The following KCNIP3 variants were observed in gnomAD, a reference collection of about 807,000 sequenced individuals.
KCNIP3 encodes the protein calsenilin.
Under a neutral mutation model 35.0 loss-of-function variants are expected in KCNIP3, and 28 were observed. That is an observed-to-expected ratio of 0.80 (90% CI 0.59 to 1.10). The LOEUF is 1.10. Ranked by LOEUF, KCNIP3 falls within the 50% of genes least tolerant of loss-of-function variation. KCNIP3 has a pLI of 0.00. For missense variants in KCNIP3, 295 were observed against 338.4 expected (o/e 0.87, Z 1.01); for synonymous variants, 134 against 133.8 (o/e 1.00, Z -0.01).
At chr2:95,345,150 G>A (rs557482885) in intron 2 of KCNIP3, among the ~76,000 whole-genome samples, 33 of 152,346 alleles carry the variant, frequency 2.2e-4, no homozygotes, top group Non-Finnish European at 3.5e-4. Flanking sequence ...ATTTAACTAG[G>A]CATGTGATAC....
intron 2 of KCNIP3, among the ~76,000 whole-genome samples, chr2:95,336,735 T>C (rs915049115): frequency 9.2e-5 from 14 of 152,246 alleles, no homozygotes; most frequent in African/African-American, 3.1e-4. Flanking sequence ...AGTTTGCTTT[T>C]AGCCTTTGTT....
rs1678269142 is a variant in KCNIP3 at position 95,309,968 on chromosome 2, C to G, written c.16-387C>G. Among the ~76,000 whole-genome samples, 4 of 152,204 alleles carry G rather than the reference C, an allele frequency of 2.6e-5. 1 individual carries two copies. In the South Asian group the frequency reaches 8.3e-4, roughly 32 times the overall value. ...CGTGGCTGTGTGACCCTGTACAGAT[C>G]CACTTGCCTCTCTGGTTTTCAGGCA... On this transcript the variant is annotated intron_variant, in intron 1 of 8. Transcript: ENST00000295225.
intron 2 of KCNIP3, among the ~76,000 whole-genome samples, chr2:95,326,840 G>A (rs1353740643): frequency 6.6e-6 from 1 of 152,198 alleles, no homozygotes. Context: ...CTTGGCCCCA[G>A]TAGGCCTCCG....
intron 1 of KCNIP3, among the ~76,000 whole-genome samples, chr2:95,298,195 G>T (rs569697527): frequency 6.0e-5 from 9 of 149,986 alleles, no homozygotes; most frequent in Non-Finnish European, 1.3e-4. Flanking sequence ...CTGGCCTGAT[G>T]CCCTGTGAGC....
chr2:95,331,794 C>T (rs1203767346), intron 2 of KCNIP3, among the ~76,000 whole-genome samples: 2 of 152,300 alleles, frequency 1.3e-5, no homozygotes, highest in Non-Finnish European at 1.5e-5. Context: ...GGGCAGGTGC[C>T]CGACCCAGGC....
chr2:95,330,959 G>A (rs1235699346), intron 2 of KCNIP3, among the ~76,000 whole-genome samples: 3 of 152,242 alleles, frequency 2.0e-5, no homozygotes, highest in African/African-American at 7.2e-5. Flanking sequence ...GAAGGGAGGG[G>A]TGCCTAGGGC....
intron 2 of KCNIP3, among the ~76,000 whole-genome samples, chr2:95,339,553 C>T (rs1679142382): frequency 1.3e-5 from 2 of 151,488 alleles, no homozygotes; most frequent in Admixed American, 1.3e-4. Flanking sequence ...CAACGCACTC[C>T]TGCGTGGGTG....
intron 2 of KCNIP3, among the ~76,000 whole-genome samples, chr2:95,360,056 T>C (rs565685200): frequency 6.6e-6 from 1 of 152,222 alleles, no homozygotes. Context: ...TTCATTTTAC[T>C]ATATGATATT....
intron 1 of KCNIP3, among the ~76,000 whole-genome samples, chr2:95,304,128 G>A (rs1434921384): frequency 5.3e-5 from 8 of 152,202 alleles, no homozygotes; most frequent in Admixed American, 5.2e-4. Flanking sequence ...TGGCTGAGTC[G>A]AGCAAGCCCC....
rs58903840 is a variant in KCNIP3 at position 95,384,169 on chromosome 2, TAC to T, written c.*156_*157del. On this transcript the variant is annotated 3_prime_UTR_variant, in exon 9 of 9. Transcript: ENST00000295225. ...GATTTGCAAAAAGTGAACAGATTGC[TAC>T]ACACACACACACACACACACACACA... is the stretch of plus-strand genomic sequence containing the variant. 0.061 allele frequency: 30,864 copies of T among 509,292 alleles called. 183 individuals carry two copies. The highest frequency in any genetic ancestry group is 0.082 in the Middle Eastern group (163 of 1,980). 31.5% of individuals were successfully genotyped at this position (509,292 alleles called of 1,614,324 possible). A position where few individuals can be genotyped will look rare whatever the true frequency, so the allele number is the denominator to read the frequency against.
intron 2 of KCNIP3, among the ~76,000 whole-genome samples, chr2:95,322,530 G>C (rs1678621492): frequency 6.6e-6 from 1 of 152,144 alleles, no homozygotes; most frequent in African/African-American, 2.4e-5. Context: ...TGCGCACAGT[G>C]GAGAGTGGTT....
At chr2:95,310,206 A>G in intron 1 of KCNIP3, 149 bp from the exon 2 acceptor site, 1 of 896,532 alleles carries the variant, frequency 1.1e-6, no homozygotes. Flanking sequence ...AATGGCCAGG[A>G]CAAGGGGCAC....
In KCNIP3 at chr2:95,310,396, C is replaced by G; in HGVS notation, c.57C>G (p.Leu19=). The change falls in exon 2 of 9, where the codon CTC becomes CTG. Residue 19 remains leucine, a synonymous_variant. Transcript: ENST00000295225. ...CGGACGGCAGCCTCCTGGGGGACCT[C>G]GGGCACACACCACTTAGCAAGAAGG... ...KASDGSLLGD[L]GHTPLSKKEG... 6.2e-7 allele frequency: 1 copy of G among 1,613,168 alleles called. No homozygotes were observed. Among genetic ancestry groups the G allele is most frequent in the East Asian group, 2.2e-5 (1 of 44,842 alleles).
intron 3 of KCNIP3, 30 bp from the exon 4 acceptor site, chr2:95,374,818 G>A (rs200830554): frequency 6.8e-6 from 11 of 1,610,468 alleles, no homozygotes; most frequent in South Asian, 6.6e-5. Context: ...GGGGGTGGCC[G>A]AGGGCTGAGG....
At chr2:95,352,047 G>A (rs1036949177) in intron 2 of KCNIP3, among the ~76,000 whole-genome samples, 3 of 152,146 alleles carry the variant, frequency 2.0e-5, no homozygotes, top group African/African-American at 7.2e-5. Flanking sequence ...CAGATCACTT[G>A]AGGTCAGGAG....
intron 2 of KCNIP3, among the ~76,000 whole-genome samples, chr2:95,373,924 G>GT (rs1680102560): frequency 6.6e-6 from 1 of 152,228 alleles, no homozygotes. Context: ...CTAGGAATTG[G>GT]ATACTGAAGT....
chr2:95,329,691 G>A (rs943737314), intron 2 of KCNIP3, among the ~76,000 whole-genome samples: 7 of 152,202 alleles, frequency 4.6e-5, no homozygotes, highest in South Asian at 2.1e-4. Flanking sequence ...CTGGCCTGAC[G>A]GGGGTCTGCT....
At chr2:95,373,069 A>C (rs1448815672) in intron 2 of KCNIP3, among the ~76,000 whole-genome samples, 1 of 152,174 alleles carries the variant, frequency 6.6e-6, no homozygotes, top group Non-Finnish European at 1.5e-5. Flanking sequence ...CTCACTGTGC[A>C]GTGGGAGAGG....
rs368353914 is a variant in KCNIP3 at position 95,382,371 on chromosome 2, C to T, written c.556-6C>T. The T allele has an allele frequency of 5.7e-5, 90 of 1,571,010 alleles. No homozygotes were observed. In the African/African-American group the frequency reaches 1.0e-3, roughly 18 times the overall value. On this transcript the variant is annotated splice_polypyrimidine_tract_variant and splice_region_variant and intron_variant, in intron 6 of 8. Coordinates refer to ENST00000295225, the MANE Select transcript of KCNIP3 (RefSeq NM_013434.5). The surrounding 1 kb of genome is among the most constrained non-coding windows in gnomAD (Gnocchi z 4.5). ...GCAGCAGGCTCATGCCAGCCTCCCCCTCCAGGAGATGCTGGCCATCATGAA... is the reference window on the plus strand; with the variant it reads ...GCAGCAGGCTCATGCCAGCCTCCCCTTCCAGGAGATGCTGGCCATCATGAA...
Sources: allele counts gnomAD v4.1 joint callset (sites outside exome capture counted in the v4.1 genomes callset), GRCh38; gene constraint gnomAD v4.1.1; non-coding constraint Gnocchi (gnomAD v3.1); transcripts MANE v1.5; gene names NCBI Gene and HGNC (gene_info 2026-07-23, HGNC 2026-07-21).